Variants in TMEM244 observed in about 807,000 individuals in gnomAD.
TMEM244 encodes putative transmembrane protein 244.
In TMEM244, 13 loss-of-function variants were observed where a neutral mutation model predicts 15.8. That is an observed-to-expected ratio of 0.82 (90% confidence interval 0.53 to 1.30). The LOEUF (loss-of-function observed/expected upper bound fraction) is 1.30, where lower values mean the gene tolerates loss of function less well. Among genes scored for constraint, TMEM244 ranks in the 50% most tolerant of loss-of-function variants. The pLI, the probability that TMEM244 is intolerant of heterozygous loss-of-function variation, is 0.00. For missense variants in TMEM244, 161 were observed against 144.9 expected, an observed-to-expected ratio of 1.11 and a Z score of -0.57; for synonymous variants, 45 against 48.7, an observed-to-expected ratio of 0.92 and a Z score of 0.32.
Position 129,845,795 on chromosome 6 carries a change from A to G in TMEM244, c.91T>C (p.Ser31Pro), listed in dbSNP as rs749003577. Residue 31 changes from serine to proline, a missense_variant, in exon 2 of 5, where the codon TCC (serine) becomes CCC (proline). Ser to Pro is a moderately conservative substitution (Grantham distance 74). Transcript: ENST00000368143. ...VILFYTVYYV[S>P]LSMGCVMFEV... ...AACATCACGCAGCCCATGCTCAGGGACACATAGTACACAGTGTAGAAAAGA... is the reference window on the plus strand; with the variant it reads ...AACATCACGCAGCCCATGCTCAGGGGCACATAGTACACAGTGTAGAAAAGA... 2.0e-5 allele frequency: 32 copies of G among 1,612,934 alleles called. No individual in the cohort carries two copies. The highest frequency in any genetic ancestry group is 2.5e-5 in the Non-Finnish European group (30 of 1,179,696).
intron 3 of TMEM244, among the ~76,000 whole-genome samples, chr6:129,833,858 G>A (rs1584179321): frequency 2.0e-5 from 3 of 152,080 alleles, no homozygotes; most frequent in Admixed American, 2.0e-4. Context: ...CAATAAAGAA[G>A]TGTTACAATA....
Position 129,842,976 on chromosome 6 carries a change from T to C in TMEM244, c.193+554A>G, listed in dbSNP as rs540083235. On this transcript the variant is annotated intron_variant, in intron 3 of 4. Transcript: ENST00000368143. Reference sequence around the variant, plus strand: ...GTGTATTCTTTCTTATTGTTTTTCTTCTGCAGCAAGTTCTATACTATTTTG... The same window carrying C: ...GTGTATTCTTTCTTATTGTTTTTCTCCTGCAGCAAGTTCTATACTATTTTG... Among the ~76,000 whole-genome samples the C allele has an allele frequency of 3.3e-5, 5 of 151,870 alleles. No individual in the cohort carries two copies. The South Asian group carries it at 1.0e-3, about 32-fold the overall frequency.
intron 1 of TMEM244, among the ~76,000 whole-genome samples, chr6:129,853,562 T>C (rs1776663443): frequency 3.3e-5 from 5 of 152,198 alleles, no homozygotes; most frequent in Admixed American, 3.3e-4. Flanking sequence ...CAAGTTGCTT[T>C]CAGAAAACGG....
At chr6:129,836,205 A>G (rs1776404466) in intron 3 of TMEM244, among the ~76,000 whole-genome samples, 1 of 152,158 alleles carries the variant, frequency 6.6e-6, no homozygotes, top group Non-Finnish European at 1.5e-5. Flanking sequence ...TCTGGGACGA[A>G]GCTTCCAGAG....
intron 1 of TMEM244, among the ~76,000 whole-genome samples, chr6:129,859,955 A>C (rs1776776672): frequency 1.3e-5 from 2 of 152,344 alleles, no homozygotes; most frequent in Admixed American, 6.5e-5. Context: ...GGGATGTATC[A>C]TGAGAATTCA....
chr6:129,857,960 A>G (rs1296632287), intron 1 of TMEM244, among the ~76,000 whole-genome samples: 1 of 151,924 alleles, frequency 6.6e-6, no homozygotes, highest in African/African-American at 2.4e-5. Flanking sequence ...AGGCAGTTTT[A>G]GCGTCTATGA....
chr6:129,852,381 CT>C (rs1776646953), intron 1 of TMEM244, among the ~76,000 whole-genome samples: 1 of 152,172 alleles, frequency 6.6e-6, no homozygotes, highest in Non-Finnish European at 1.5e-5. Context: ...AAGCAAGCCA[CT>C]TTGCAAACCT....
At chr6:129,840,725 T>G (rs1304410545) in intron 3 of TMEM244, among the ~76,000 whole-genome samples, 4 of 151,940 alleles carry the variant, frequency 2.6e-5, no homozygotes, top group Non-Finnish European at 4.4e-5. Flanking sequence ...TTAAACAAAT[T>G]TATAAGAAAA....
chr6:129,843,527 T>G lies in TMEM244; in HGVS notation c.193+3A>C. On this transcript the variant is annotated splice_donor_region_variant and intron_variant, in intron 3 of 4. Transcript: ENST00000368143. The stretch of plus-strand genomic sequence containing the variant: ...GATAAGAATTTAAAATTAAAACAAT[T>G]ACCTTTATAGTTTATGTTGAGCCAT... The G allele has an allele frequency of 1.3e-6, 2 of 1,594,660 alleles. No homozygotes were observed. The highest frequency in any genetic ancestry group is 1.7e-6 in the Non-Finnish European group (2 of 1,167,272).
At position 129,841,985 on chromosome 6, in the gene TMEM244, C is replaced by T. The variant is rs1045875637; in HGVS notation, c.193+1545G>A. ...TCTCCCCAAACCCAAAATTAAAGAT[C>T]TAATACGCTAAGGTTTTATTGATAT... is the stretch of plus-strand genomic sequence containing the variant. On this transcript the variant is annotated intron_variant, in intron 3 of 4. Coordinates refer to ENST00000368143, the MANE Select transcript of TMEM244 (RefSeq NM_001010876.2). 2.0e-5 allele frequency among the ~76,000 whole-genome samples: 3 copies of T among 152,220 alleles called. No individual in the cohort carries two copies. The East Asian group carries it at 5.8e-4, about 29-fold the overall frequency.
chr6:129,834,833 A>G (rs1316851948), intron 3 of TMEM244, among the ~76,000 whole-genome samples: 2 of 152,032 alleles, frequency 1.3e-5, no homozygotes, highest in Admixed American at 6.6e-5. Flanking sequence ...ATCACATCTC[A>G]TTCCTCCCTC....
intron 3 of TMEM244, among the ~76,000 whole-genome samples, chr6:129,837,198 G>T (rs1342743407): frequency 6.6e-6 from 1 of 152,082 alleles, no homozygotes; most frequent in East Asian, 1.9e-4. Context: ...CCCACAAAGG[G>T]AAGCCCATCA....
chr6:129,854,626 T>C (rs977508367), intron 1 of TMEM244, among the ~76,000 whole-genome samples: 3 of 152,058 alleles, frequency 2.0e-5, no homozygotes, highest in African/African-American at 7.2e-5. Flanking sequence ...CCAGAGAAAT[T>C]AAGTGATTTT....
chr6:129,847,310 A>G (rs1273577291), intron 1 of TMEM244, among the ~76,000 whole-genome samples: 3 of 152,148 alleles, frequency 2.0e-5, no homozygotes, highest in Admixed American at 6.5e-5. Context: ...TGTATTTTAG[A>G]ATCTTAAAGC....
intron 4 of TMEM244, among the ~76,000 whole-genome samples, chr6:129,832,530 T>TA (rs886543893): frequency 1.3e-4 from 20 of 151,712 alleles, no homozygotes; most frequent in African/African-American, 4.6e-4. Context: ...TGACATGCTT[T>TA]AAAAAAAAAT....
chr6:129,858,622 T>TAC (rs1407860221), intron 1 of TMEM244, among the ~76,000 whole-genome samples: 2 of 152,200 alleles, frequency 1.3e-5, no homozygotes, highest in Non-Finnish European at 2.9e-5. Context: ...TTTGGAGGTA[T>TAC]ACATTTCTTT....
intron 1 of TMEM244, among the ~76,000 whole-genome samples, chr6:129,860,511 T>C (rs1020156078): frequency 1.3e-5 from 2 of 152,118 alleles, no homozygotes; most frequent in African/African-American, 2.4e-5. Context: ...TCACTCATAA[T>C]TGTAATTTAA....
intron 1 of TMEM244, among the ~76,000 whole-genome samples, chr6:129,858,429 T>C (rs1284985572): frequency 6.6e-6 from 1 of 152,176 alleles, no homozygotes; most frequent in Non-Finnish European, 1.5e-5. Context: ...TCCCATTGCC[T>C]ACAGTAGCTT....
intron 1 of TMEM244, among the ~76,000 whole-genome samples, chr6:129,848,766 C>T (rs1028457476): frequency 2.6e-5 from 4 of 152,100 alleles, no homozygotes; most frequent in African/African-American, 7.2e-5. Context: ...AGTCATGTGT[C>T]TTTGGGTTTG....
Sources: gnomAD v4.1 joint callset for allele counts (sites outside exome capture counted in the v4.1 genomes callset) on GRCh38, gnomAD v4.1.1 for gene constraint, MANE v1.5 for transcripts, NCBI Gene and HGNC (gene_info 2026-07-23, HGNC 2026-07-21) for gene names.